Variants in FOCAD observed in about 807,000 individuals in gnomAD.
FOCAD encodes the protein focadhesin, also known as KIAA1797.
Under a neutral mutation model 225.6 loss-of-function variants are expected in FOCAD, and 198 were observed. The ratio of observed to expected loss-of-function variants is 0.88; its 90% confidence interval spans 0.78 to 0.99. The LOEUF is 0.99. Ranked by LOEUF, FOCAD falls within the 50% of genes least tolerant of loss-of-function variation. FOCAD has a pLI of 0.00. For synonymous variants in FOCAD, 897 were observed against 755.0 expected (o/e 1.19, Z -3.08); for missense variants, 2,713 against 2,123.6 (o/e 1.28, Z -5.46).
intron 11 of FOCAD, among the ~76,000 whole-genome samples, chr9:20,810,793 G>C (rs1003752290): frequency 5.9e-5 from 9 of 151,936 alleles, no homozygotes; most frequent in Non-Finnish European, 1.3e-4. Context: ...GAAGGGTCGT[G>C]GCTATTTTCT....
chr9:20,955,004 TTTTA>T (rs1838009192), intron 35 of FOCAD, among the ~76,000 whole-genome samples: 2 of 152,238 alleles, frequency 1.3e-5, no homozygotes, highest in African/African-American at 4.8e-5. Context: ...CTCATTTGAA[TTTTA>T]ATAACTCCCT....
At chr9:20,978,180 C>T (rs994233042) in intron 36 of FOCAD, among the ~76,000 whole-genome samples, 159 bp from the exon 37 acceptor site, 3 of 152,196 alleles carry the variant, frequency 2.0e-5, no homozygotes, top group African/African-American at 4.8e-5. Flanking sequence ...TATTTTGCCT[C>T]ATAACTAACA....
rs774770656 is a variant in FOCAD, at chr9:20,986,376, T to C, written c.4817T>C (p.Val1606Ala). ...GTGAACCTGACCGATATGCTGAGCG[T>C]TGCTGTGCAGCACCGTGAGAAAGAG... ...PLVNLTDMLS[V>A]AVQHREKEVL... The change falls in exon 40 of 44, where the codon GTT (valine) becomes GCT (alanine). Residue 1606 changes from valine to alanine, a missense_variant. By Grantham distance (64) the Val-to-Ala change is moderately conservative. Coordinates refer to ENST00000338382, the MANE Select transcript of FOCAD (RefSeq NM_001375567.1). 6.2e-7 allele frequency: 1 copy of C among 1,609,818 alleles called. No individual in the cohort carries two copies. The highest frequency in any genetic ancestry group is 8.5e-7 in the Non-Finnish European group (1 of 1,178,750).
chr9:20,660,817 G>C (rs571510560), intron 2 of FOCAD, among the ~76,000 whole-genome samples: 3 of 152,044 alleles, frequency 2.0e-5, no homozygotes, highest in African/African-American at 4.8e-5. Flanking sequence ...GGAGAAGTTA[G>C]AAAAAGAGCA....
At chr9:20,865,279 T>TC in intron 16 of FOCAD, among the ~76,000 whole-genome samples, 1 of 152,050 alleles carries the variant, frequency 6.6e-6, no homozygotes, top group Non-Finnish European at 1.5e-5. Flanking sequence ...TAATATACTG[T>TC]TGCTTCCCAT....
At chr9:20,904,826 C>T (rs1003036194) in intron 21 of FOCAD, among the ~76,000 whole-genome samples, 2 of 151,896 alleles carry the variant, frequency 1.3e-5, no homozygotes, top group Non-Finnish European at 1.5e-5. Flanking sequence ...TCAAAGGCTT[C>T]TCACAAGTAT....
chr9:20,903,944 G>A (rs1489575305), intron 21 of FOCAD, among the ~76,000 whole-genome samples: 1 of 151,694 alleles, frequency 6.6e-6, no homozygotes, highest in African/African-American at 2.4e-5. Flanking sequence ...TCCCCCGGCA[G>A]CTACTAATCT....
At chr9:20,737,313 T>C (rs1827227125) in intron 4 of FOCAD, among the ~76,000 whole-genome samples, 1 of 152,212 alleles carries the variant, frequency 6.6e-6, no homozygotes, top group African/African-American at 2.4e-5. Context: ...AAACCATAGA[T>C]CTGTTATCTG....
chr9:20,928,837 A>G (rs761886221), intron 26 of FOCAD: 1 of 152,244 alleles, frequency 6.6e-6, no homozygotes, highest in Non-Finnish European at 1.5e-5. Context: ...ATTTTGGGAG[A>G]TGTGCCAATA....
intron 11 of FOCAD, among the ~76,000 whole-genome samples, chr9:20,804,443 C>T (rs1564012018): frequency 6.6e-6 from 1 of 151,822 alleles, no homozygotes; most frequent in South Asian, 2.1e-4. Flanking sequence ...TGCAAAATTG[C>T]TGAGGAAAGT....
intron 5 of FOCAD, among the ~76,000 whole-genome samples, chr9:20,748,843 A>G (rs989737704): frequency 5.9e-5 from 9 of 152,166 alleles, no homozygotes; most frequent in Non-Finnish European, 1.0e-4. Context: ...CTTTTAGAAT[A>G]AGCTGCACCC....
chr9:20,866,503 T>C (rs768459981), intron 17 of FOCAD, among the ~76,000 whole-genome samples: 8 of 152,072 alleles, frequency 5.3e-5, no homozygotes, highest in Non-Finnish European at 1.0e-4. Flanking sequence ...TGCTAAATCA[T>C]ACTACTTCAT....
intron 33 of FOCAD, among the ~76,000 whole-genome samples, chr9:20,950,141 A>C (rs535069463): frequency 5.9e-5 from 9 of 152,152 alleles, no homozygotes; most frequent in African/African-American, 1.9e-4. Context: ...AAGATTTAAA[A>C]AAAAAAGATT....
chr9:20,932,373 T>A (rs1835565650), intron 27 of FOCAD, among the ~76,000 whole-genome samples: 1 of 152,164 alleles, frequency 6.6e-6, no homozygotes, highest in Non-Finnish European at 1.5e-5. Context: ...GCTACTAAAA[T>A]GTCAGTGATG....
At chr9:20,809,039 A>T (rs1162072852) in intron 11 of FOCAD, among the ~76,000 whole-genome samples, 1 of 152,188 alleles carries the variant, frequency 6.6e-6, no homozygotes, top group Admixed American at 6.6e-5. Context: ...TACGTTGCAC[A>T]TGTTTCTTTG....
intron 15 of FOCAD, among the ~76,000 whole-genome samples, chr9:20,832,523 GTATT>G (rs1825604701): frequency 2.0e-5 from 3 of 151,934 alleles, no homozygotes; most frequent in Non-Finnish European, 4.4e-5. Flanking sequence ...ATCCTTTCGA[GTATT>G]TATCCTTTGA....
intron 6 of FOCAD, among the ~76,000 whole-genome samples, chr9:20,762,255 C>T (rs1006517453): frequency 6.6e-6 from 1 of 152,194 alleles, no homozygotes; most frequent in Non-Finnish European, 1.5e-5. Flanking sequence ...GTATTTCATA[C>T]ATACATTATC....
chr9:20,912,684 A>G (rs1833535039), intron 22 of FOCAD, among the ~76,000 whole-genome samples, 182 bp from the exon 23 acceptor site: 1 of 152,154 alleles, frequency 6.6e-6, no homozygotes, highest in African/African-American at 2.4e-5. Flanking sequence ...TCTTTGGTGA[A>G]TGTAGAAATA....
intron 24 of FOCAD, among the ~76,000 whole-genome samples, chr9:20,921,191 A>C (rs1314180987): frequency 6.6e-6 from 1 of 152,164 alleles, no homozygotes; most frequent in African/African-American, 2.4e-5. Context: ...CTGAAGATAA[A>C]AATCACTGAA....
Sources: allele counts gnomAD v4.1 joint callset (sites outside exome capture counted in the v4.1 genomes callset), GRCh38; gene constraint gnomAD v4.1.1; transcripts MANE v1.5; gene names NCBI Gene and HGNC (gene_info 2026-07-23, HGNC 2026-07-21).